The following ANP32E variants were observed in gnomAD, a reference collection of about 807,000 sequenced individuals.
ANP32E encodes the protein acidic leucine-rich nuclear phosphoprotein 32 family member E.
In ANP32E, 14 loss-of-function variants were observed where a neutral mutation model predicts 35.3. The observed-to-expected ratio is 0.40, with a 90% CI of 0.26 to 0.62. The LOEUF is 0.62. Ranked by LOEUF, ANP32E falls within the 20% of genes least tolerant of loss-of-function variation. The pLI is 0.45. For missense variants in ANP32E, 198 were observed against 304.4 expected, an observed-to-expected ratio of 0.65 and a Z score of 2.60; for synonymous variants, 89 against 110.4, an observed-to-expected ratio of 0.81 and a Z score of 1.22.
At chr1:150,230,971 G>T (rs782232190) in intron 2 of ANP32E, among the ~76,000 whole-genome samples, 1 of 152,236 alleles carries the variant, frequency 6.6e-6, no homozygotes, top group African/African-American at 2.4e-5. Flanking sequence ...TCGAACTCCT[G>T]ACCTCAGGTG....
chr1:150,225,194 A>G (rs1345719911), intron 5 of ANP32E, among the ~76,000 whole-genome samples: 3 of 152,230 alleles, frequency 2.0e-5, no homozygotes, highest in Non-Finnish European at 4.4e-5. Flanking sequence ...GTACATGCAT[A>G]TGTAAAATTC....
intron 4 of ANP32E, among the ~76,000 whole-genome samples, chr1:150,227,806 T>TTTTTTTTTTTTTTTTTTTTG (rs1553840516): frequency 7.0e-6 from 1 of 142,368 alleles, no homozygotes; most frequent in African/African-American, 2.5e-5. Context: ...AATTTCTTTT[T>TTTTTTTTTTTTTTTTTTTTG]ACGATGAAGA....
At chr1:150,223,741 T>C (rs1436671826) in intron 5 of ANP32E, among the ~76,000 whole-genome samples, 1 of 148,224 alleles carries the variant, frequency 6.7e-6, no homozygotes, top group Non-Finnish European at 1.5e-5. Flanking sequence ...TCTTTCCTTT[T>C]TATTTATTTA....
intron 2 of ANP32E, 110 bp from the exon 3 acceptor site, chr1:150,230,803 G>C: frequency 9.8e-7 from 1 of 1,015,596 alleles, no homozygotes; most frequent in Non-Finnish European, 1.4e-6. Context: ...GTGCAGTGGT[G>C]CGATCTCCAC....
intron 6 of ANP32E, among the ~76,000 whole-genome samples, chr1:150,221,905 A>G (rs1553838150): frequency 6.6e-6 from 1 of 152,050 alleles, no homozygotes; most frequent in African/African-American, 2.4e-5. Context: ...CAGCCCGGGC[A>G]ACAGTGAGAC....
At chr1:150,232,674 T>C (rs1383410929) in intron 1 of ANP32E, among the ~76,000 whole-genome samples, 1 of 151,872 alleles carries the variant, frequency 6.6e-6, no homozygotes, top group Non-Finnish European at 1.5e-5. Flanking sequence ...GGTTTTGCCA[T>C]GTTGGCCAGG....
Position 150,235,814 on chromosome 1 carries a change from T to C in ANP32E, c.-28A>G, listed in dbSNP as rs781903497. On this transcript the variant is annotated 5_prime_UTR_variant, in exon 1 of 7. Transcript: ENST00000583931. This position sits in a 1 kb window ranked among gnomAD's most constrained non-coding sequence, Gnocchi z 4.2. ...CCTCCTCTTGCTCTTCAGCTACTACTCTCCTTTTCCCTTTCCTGCCTTCCC... is the reference window on the plus strand; with the variant it reads ...CCTCCTCTTGCTCTTCAGCTACTACCCTCCTTTTCCCTTTCCTGCCTTCCC... 9.1e-6 allele frequency: 14 copies of C among 1,544,228 alleles called. No homozygotes were observed. The South Asian group carries it at 1.6e-4, about 18-fold the overall frequency.
chr1:150,231,982 G>A lies in ANP32E; in HGVS notation c.55-56C>T, dbSNP rs587713146. ...CTTTAGTTTGTAATCTGTTTAGGTA[G>A]AGACCTGGGTCTTGACACTCTGGAA... On this transcript the variant is annotated intron_variant, in intron 1 of 6. Transcript: ENST00000583931. The A allele has an allele frequency of 2.0e-6, 3 of 1,533,552 alleles. No homozygotes were observed. The East Asian group carries it at 7.0e-5, about 36-fold the overall frequency. 95.0% of individuals were successfully genotyped at this position (1,533,552 alleles called of 1,614,324 possible).
At chr1:150,234,504 G>T in intron 1 of ANP32E, 2 of 817,924 alleles carry the variant, frequency 2.4e-6, no homozygotes, top group Non-Finnish European at 3.0e-6. Context: ...CATCCTCTAT[G>T]CCGATCTGCA....
chr1:150,232,469 TTTTTC>T lies in ANP32E; in HGVS notation c.55-548_55-544del, dbSNP rs1235004993. Reference sequence around the variant, plus strand: ...ACTATAAGTAATCTTTTAAATTTCTTTTTTCTTTTTTTTTTTTTGTAGATGGAGTC... The same window carrying T: ...ACTATAAGTAATCTTTTAAATTTCTTTTTTTTTTTTTTTGTAGATGGAGTC... On this transcript the variant is annotated intron_variant, in intron 1 of 6. Transcript: ENST00000583931. 2.5e-4 allele frequency among the ~76,000 whole-genome samples: 6 copies of T among 24,090 alleles called. 1 individual carries two copies. Among genetic ancestry groups the T allele is most frequent in the African/African-American group, 1.9e-4 (4 of 21,100 alleles). The allele number at this position is 24,090 out of a possible 152,430, so 15.8% of individuals were successfully genotyped here. A position where few individuals can be genotyped will look rare whatever the true frequency, so the allele number is the denominator to read the frequency against.
chr1:150,236,052 A>G lies in ANP32E; in HGVS notation c.-266T>C, dbSNP rs764904067. On this transcript the variant is annotated 5_prime_UTR_variant, in exon 1 of 7. Coordinates refer to ENST00000583931, the MANE Select transcript of ANP32E (RefSeq NM_030920.5). The stretch of plus-strand genomic sequence containing the variant: ...CACGCACGCACGCGCGCACACACAT[A>G]CACACACACATACACACACACACCC... The G allele has an allele frequency of 2.1e-4, 98 of 475,714 alleles. No homozygotes were observed. Among genetic ancestry groups the G allele is most frequent in the Non-Finnish European group, 3.5e-4 (91 of 260,352 alleles). 29.5% of individuals were successfully genotyped at this position (475,714 alleles called of 1,614,324 possible). A position where few individuals can be genotyped will look rare whatever the true frequency, so the allele number is the denominator to read the frequency against.
chr1:150,223,751 AT>A (rs112484615), intron 5 of ANP32E, among the ~76,000 whole-genome samples: 36 of 112,542 alleles, frequency 3.2e-4, no homozygotes, highest in Admixed American at 4.6e-4. Context: ...TTATTTATTT[AT>A]TTTTTTTTTT....
rs1649661259 is a variant in ANP32E at position 150,235,016 on chromosome 1, C to T, written c.54+717G>A. 6.6e-6 allele frequency among the ~76,000 whole-genome samples: 1 copy of T among 152,256 alleles called. No individual in the cohort carries two copies. Among genetic ancestry groups the T allele is most frequent in the Non-Finnish European group, 1.5e-5 (1 of 68,044 alleles). On this transcript the variant is annotated intron_variant, in intron 1 of 6. Coordinates refer to ENST00000583931, the MANE Select transcript of ANP32E (RefSeq NM_030920.5). This position sits in a 1 kb window ranked among gnomAD's most constrained non-coding sequence, Gnocchi z 4.2. The stretch of plus-strand genomic sequence containing the variant: ...AGAGTTGCGGCCACACGACGTGCCA[C>T]ATATCGTTACACGGCGGGGGAAGAA...
rs781950410 is a variant in ANP32E at position 150,223,258 on chromosome 1, CAGTTTGAAGATTG to C, written c.682-31_682-19del. Reference sequence around the variant, plus strand: ...TCTTCATCCTTGAAATTCAAATATTCAGTTTGAAGATTGAAAAATCCATATGATTTTTCACTCT... The same window carrying C: ...TCTTCATCCTTGAAATTCAAATATTCAAAAATCCATATGATTTTTCACTCT... On this transcript the variant is annotated intron_variant, in intron 5 of 6. Coordinates refer to ENST00000583931, the MANE Select transcript of ANP32E (RefSeq NM_030920.5). 1.2e-5 allele frequency: 19 copies of C among 1,523,852 alleles called. No homozygotes were observed. The South Asian group carries it at 2.3e-4, about 18-fold the overall frequency. The allele number at this position is 1,523,852 out of a possible 1,614,324, so 94.4% of individuals were successfully genotyped here. A position where few individuals can be genotyped will look rare whatever the true frequency, so the allele number is the denominator to read the frequency against.
In ANP32E at chr1:150,229,215, CT is replaced by C; in HGVS notation, c.349del (p.Ser117ValfsTer29). On this transcript the variant is annotated frameshift_variant, in exon 4 of 7. Transcript: ENST00000583931. LOFTEE classifies it high-confidence loss of function. ...GATCTCACAGTTAAACAGGTCAAGA[CT>C]TTTCAAATTTTTAAGATTTTGCTGG... Reference protein sequence around the residue: ...EALQNLKNLKSLDLFNCEITN... With the variant: ...EALQNLKNLKXLDLFNCEITN... 1 of 1,570,202 alleles carries C rather than the reference CT, an allele frequency of 6.4e-7. No homozygotes were observed. Among genetic ancestry groups the C allele is most frequent in the Non-Finnish European group, 8.6e-7 (1 of 1,161,910 alleles).
rs945061569 is a variant in ANP32E, at chr1:150,220,609, T to C, written c.*82A>G. On this transcript the variant is annotated 3_prime_UTR_variant, in exon 7 of 7. Transcript: ENST00000583931. ...AGTTACACATTATCTTCTGTAGGGA[T>C]AGCTATCGTACATGAAGAAACAAAG... 36 of 1,269,894 alleles carry C rather than the reference T, an allele frequency of 2.8e-5. No individual in the cohort carries two copies. Among genetic ancestry groups the C allele is most frequent in the Non-Finnish European group, 3.6e-5 (32 of 877,328 alleles). The allele number at this position is 1,269,894 out of a possible 1,614,324, so 78.7% of individuals were successfully genotyped here. A position where few individuals can be genotyped will look rare whatever the true frequency, so the allele number is the denominator to read the frequency against.
chr1:150,229,910 C>A (rs1553841273), intron 3 of ANP32E, among the ~76,000 whole-genome samples: 1 of 152,248 alleles, frequency 6.6e-6, no homozygotes, highest in African/African-American at 2.4e-5. Flanking sequence ...CCGTGCCCGA[C>A]CACATCATTT....
intron 3 of ANP32E, among the ~76,000 whole-genome samples, chr1:150,229,795 G>T (rs935280150): frequency 1.3e-5 from 2 of 151,836 alleles, no homozygotes; most frequent in Admixed American, 6.6e-5. Context: ...TGTATTTTTA[G>T]TAGAGACGGG....
intron 6 of ANP32E, among the ~76,000 whole-genome samples, chr1:150,221,604 G>GGGAGGGAGGGAAGGAA (rs1553838033): frequency 2.7e-5 from 1 of 36,866 alleles, no homozygotes; most frequent in African/African-American, 1.8e-4. Flanking sequence ...GAGGGAGGGA[G>GGGAGGGAGGGAAGGAA]GGAAGGAAGG....
Sources: gnomAD v4.1 joint callset for allele counts (sites outside exome capture counted in the v4.1 genomes callset) on GRCh38, gnomAD v4.1.1 for gene constraint, Gnocchi (gnomAD v3.1) non-coding constraint, MANE v1.5 for transcripts, NCBI Gene and HGNC (gene_info 2026-07-23, HGNC 2026-07-21) for gene names.